OLFML2A: variants seen among roughly 807,000 people sequenced by gnomAD.
OLFML2A encodes olfactomedin like 2A.
OLFML2A carries 47 observed loss-of-function variants against 60.9 expected under a neutral mutation model. The ratio of observed to expected loss-of-function variants is 0.77; its 90% confidence interval spans 0.61 to 0.98. OLFML2A has a LOEUF of 0.98. Among genes scored for constraint, OLFML2A ranks in the 50% least tolerant of loss-of-function variants. The pLI, the probability that OLFML2A is intolerant of heterozygous loss-of-function variation, is 0.00. For missense variants in OLFML2A, 922 were observed against 879.8 expected (o/e 1.05, Z -0.61); for synonymous variants, 372 against 375.0 (o/e 0.99, Z 0.09).
rs1026532383 is a variant in OLFML2A, at chr9:124,778,634, A to G, written c.90+1274A>G. 2.7e-5 allele frequency among the ~76,000 whole-genome samples: 4 copies of G among 149,686 alleles called. No individual in the cohort carries two copies. The South Asian group carries it at 8.5e-4, about 32-fold the overall frequency. On this transcript the variant is annotated intron_variant, in intron 1 of 7. Transcript: ENST00000373580. ...AGACCCCGTCTCTATAAAAAAAAAA[A>G]AAATTAAATTAAATTAGCCAGGTGT...
At chr9:124,788,312 A>T (rs577911666) in intron 2 of OLFML2A, among the ~76,000 whole-genome samples, 1 of 151,106 alleles carries the variant, frequency 6.6e-6, no homozygotes, top group South Asian at 2.1e-4. Flanking sequence ...AAAAAAAAAA[A>T]ATAAAGAAAC....
intron 7 of OLFML2A, among the ~76,000 whole-genome samples, chr9:124,808,967 C>A (rs1267197562): frequency 6.6e-6 from 1 of 151,012 alleles, no homozygotes; most frequent in African/African-American, 2.4e-5. Context: ...ACCAGCCTGG[C>A]CAACACGGTG....
Position 124,801,564 on chromosome 9 carries a change from C to T in OLFML2A, c.820C>T (p.Pro274Ser), listed in dbSNP as rs1302174121. 6.2e-7 allele frequency: 1 copy of T among 1,614,074 alleles called. No individual in the cohort carries two copies. Among genetic ancestry groups the T allele is most frequent in the East Asian group, 2.2e-5 (1 of 44,878 alleles). The change falls in exon 5 of 8, where the codon CCC (proline) becomes TCC (serine). Residue 274 changes from proline to serine, a missense_variant. Coordinates refer to ENST00000373580, the MANE Select transcript of OLFML2A (RefSeq NM_182487.4). ...GAGCGGCAAGGGCAGTTTCCTCCAG[C>T]CCACAGCCAAGCCCCGCGCCCTGGC... ...KESGKGSFLQPTAKPRALAQQ... is the reference protein window; with the variant it reads ...KESGKGSFLQSTAKPRALAQQ...
At chr9:124,799,024 A>G (rs1259456890) in intron 3 of OLFML2A, among the ~76,000 whole-genome samples, 1 of 152,208 alleles carries the variant, frequency 6.6e-6, no homozygotes, top group Non-Finnish European at 1.5e-5. Context: ...GACTTTTTAT[A>G]GCCGTTGATA....
chr9:124,777,348 C>A lies in OLFML2A; in HGVS notation c.78C>A (p.Arg26=), dbSNP rs1368796190. ...TGCTGCTGAGCGGCCGCCCCACGCG[C>A]GCCGACAGTAAGGTACGCACGCCCC... ...LVLLLSGRPT[R]ADSKVFGDLD... Residue 26 remains arginine, a synonymous_variant, in exon 1 of 8, where the codon CGC becomes CGA. Coordinates refer to ENST00000373580, the MANE Select transcript of OLFML2A (RefSeq NM_182487.4). The surrounding 1 kb of genome is among the most constrained non-coding windows in gnomAD (Gnocchi z 6.2). The A allele has an allele frequency of 2.3e-6, 3 of 1,288,958 alleles. No individual in the cohort carries two copies. The highest frequency in any genetic ancestry group is 6.7e-5 in the Admixed American group (2 of 29,856). 79.8% of individuals were successfully genotyped at this position (1,288,958 alleles called of 1,614,324 possible).
intron 1 of OLFML2A, among the ~76,000 whole-genome samples, chr9:124,781,615 G>C (rs562955390): frequency 7.2e-4 from 110 of 152,172 alleles, no homozygotes; most frequent in African/African-American, 2.3e-3. Flanking sequence ...CCAACATAGT[G>C]AAATGCCATC....
chr9:124,805,799 GT>G (rs1282716971), intron 6 of OLFML2A, among the ~76,000 whole-genome samples: 1 of 131,488 alleles, frequency 7.6e-6, no homozygotes, highest in Admixed American at 8.3e-5. Context: ...TGTTGTTTTG[GT>G]TTTTTTGGTT....
Position 124,777,287 on chromosome 9 carries a change from TC to T in OLFML2A, c.20del (p.Pro7ArgfsTer10). The T allele has an allele frequency of 8.0e-7, 1 of 1,251,220 alleles. No individual in the cohort carries two copies. Among genetic ancestry groups the T allele is most frequent in the Non-Finnish European group, 1.0e-6 (1 of 989,722 alleles). 77.5% of individuals were successfully genotyped at this position (1,251,220 alleles called of 1,614,324 possible). ...CGTGGCGCCATGGCCGCTGCCGCCC[TC>T]CCGCCCCGGCCGCTGCTCCTTCTGC... MAAAA[L>X]PPRPLLLLPL... On this transcript the variant is annotated frameshift_variant, in exon 1 of 8. Transcript: ENST00000373580. LOFTEE classifies it high-confidence loss of function. This position sits in a 1 kb window ranked among gnomAD's most constrained non-coding sequence, Gnocchi z 6.2.
rs1207994168 is a variant in OLFML2A, at chr9:124,799,268, T to A, written c.463-17T>A. 3 of 1,576,292 alleles carry A rather than the reference T, an allele frequency of 1.9e-6. No homozygotes were observed. The African/African-American group carries it at 4.0e-5, about 21-fold the overall frequency. ...AAGCTGGCCCAGGAAAGACCTCCAA[T>A]CCTGCCCCCTCCGCAGAGCATCAAG... On this transcript the variant is annotated splice_polypyrimidine_tract_variant and intron_variant, in intron 3 of 7. Coordinates refer to ENST00000373580, the MANE Select transcript of OLFML2A (RefSeq NM_182487.4).
Position 124,811,242 on chromosome 9 carries a change from A to G in OLFML2A, c.*830A>G, listed in dbSNP as rs1292913752. ...TGAGAAGGCAGCCGGCAGCTCTGCC[A>G]GGGTGGGGAGCTGAGCTGAGGCTCC... On this transcript the variant is annotated 3_prime_UTR_variant, in exon 8 of 8. Transcript: ENST00000373580. 6.5e-6 allele frequency: 1 copy of G among 152,706 alleles called. No individual in the cohort carries two copies. Among genetic ancestry groups the G allele is most frequent in the African/African-American group, 2.4e-5 (1 of 41,472 alleles). The allele number at this position is 152,706 out of a possible 1,614,324, so 9.5% of individuals were successfully genotyped here.
chr9:124,810,397 C>G lies in OLFML2A; in HGVS notation c.1944C>G (p.Leu648=), dbSNP rs1377824113. The G allele has an allele frequency of 6.3e-7, 1 of 1,597,194 alleles. No homozygotes were observed. The highest frequency in any genetic ancestry group is 1.7e-5 in the Admixed American group (1 of 59,918). ...ATGGCCACCAGCTCACCTACACCCT[C>G]CACTTCGTGGTCTGAGTGGAGACCT... ...WDNGHQLTYT[L]HFVV is the part of the protein sequence containing the mutation. The change falls in exon 8 of 8, where the codon CTC becomes CTG. Residue 648 remains leucine, a synonymous_variant. Transcript: ENST00000373580.
chr9:124,778,367 A>G (rs981123862), intron 1 of OLFML2A, among the ~76,000 whole-genome samples: 3 of 150,630 alleles, frequency 2.0e-5, no homozygotes. Context: ...TGTCAAAAAA[A>G]AAAAGAAAAA....
chr9:124,810,030 A>T lies in OLFML2A; in HGVS notation c.1577A>T (p.Asp526Val). 6.2e-7 allele frequency: 1 copy of T among 1,614,034 alleles called. No individual in the cohort carries two copies. Among genetic ancestry groups the T allele is most frequent in the Non-Finnish European group, 8.5e-7 (1 of 1,180,014 alleles). The change falls in exon 8 of 8, where the codon GAC becomes GTC. Residue 526 changes from aspartate to valine, a missense_variant. Asp to Val is a radical substitution (Grantham distance 152). Transcript: ENST00000373580. The stretch of plus-strand genomic sequence containing the variant: ...CACTCGGACATTGACTTTGCCGTGG[A>T]CGAGAGCGGCCTGTGGGTCATCTAC... ...RGHSDIDFAV[D>V]ESGLWVIYPA...
At chr9:124,797,014 GT>G (rs1421054158) in intron 3 of OLFML2A, among the ~76,000 whole-genome samples, 1 of 152,058 alleles carries the variant, frequency 6.6e-6, no homozygotes, top group Non-Finnish European at 1.5e-5. Context: ...TTGTTTGTTT[GT>G]TTTTTTGAGA....
intron 1 of OLFML2A, among the ~76,000 whole-genome samples, chr9:124,784,943 GTTTTTTTTTTTT>G (rs750733365): frequency 1.2e-4 from 8 of 69,542 alleles, no homozygotes; most frequent in African/African-American, 3.9e-4. Flanking sequence ...CCTTTTACTT[GTTTTTTTTTTTT>G]TTTTTTTTTT....
intron 2 of OLFML2A, among the ~76,000 whole-genome samples, chr9:124,787,811 G>A (rs943879811): frequency 4.6e-5 from 7 of 151,606 alleles, no homozygotes; most frequent in South Asian, 2.1e-4. Flanking sequence ...TGCCTGCCTC[G>A]GCCTCCCAAA....
intron 5 of OLFML2A, among the ~76,000 whole-genome samples, chr9:124,803,448 A>G (rs1345114813): frequency 1.3e-5 from 2 of 151,896 alleles, no homozygotes; most frequent in Non-Finnish European, 2.9e-5. Context: ...ATTTTTTAGT[A>G]GAGACAGGGT....
intron 1 of OLFML2A, 87 bp from the exon 2 acceptor site, chr9:124,786,888 A>C: frequency 7.0e-7 from 1 of 1,431,932 alleles, no homozygotes; most frequent in Non-Finnish European, 9.6e-7. Flanking sequence ...CTGGCTGGCC[A>C]GCTGGCTTCT....
intron 2 of OLFML2A, among the ~76,000 whole-genome samples, chr9:124,788,700 G>GC (rs541276212): frequency 9.9e-4 from 151 of 152,242 alleles, no homozygotes; most frequent in African/African-American, 3.3e-3. Flanking sequence ...CCAGACTAGG[G>GC]CCCCCCACCA....
Sources: allele counts gnomAD v4.1 joint callset (sites outside exome capture counted in the v4.1 genomes callset), GRCh38; gene constraint gnomAD v4.1.1; non-coding constraint Gnocchi (gnomAD v3.1); transcripts MANE v1.5; gene names NCBI Gene and HGNC (gene_info 2026-07-23, HGNC 2026-07-21).